The following ANTXR2 variants were observed in gnomAD, a reference collection of about 807,000 sequenced individuals.
ANTXR2 encodes ANTXR cell adhesion molecule 2.
In ANTXR2, 44 loss-of-function variants were observed where a neutral mutation model predicts 73.7. That is an observed-to-expected ratio of 0.60 (90% CI 0.47 to 0.77). ANTXR2 has a LOEUF of 0.77. ANTXR2 is among the 30% of genes least tolerant of loss of function. The pLI is 0.00. For synonymous variants in ANTXR2, 217 were observed against 205.9 expected (o/e 1.05, Z -0.46); for missense variants, 604 against 592.5 (o/e 1.02, Z -0.20).
intron 16 of ANTXR2, among the ~76,000 whole-genome samples, chr4:79,927,488 A>G (rs754366082): frequency 4.3e-4 from 66 of 152,194 alleles, no homozygotes; most frequent in Non-Finnish European, 8.1e-4. Context: ...AAATTTGCAT[A>G]TAACCTACCT....
Position 79,946,226 on chromosome 4 carries a change from T to C in ANTXR2, c.1428+31395A>G, listed in dbSNP as rs183596649. Among the ~76,000 whole-genome samples the C allele has an allele frequency of 5.1e-4, 78 of 152,230 alleles. 1 individual carries two copies. The highest frequency in any genetic ancestry group is 4.8e-3 in the Admixed American group (74 of 15,288). On this transcript the variant is annotated intron_variant, in intron 16 of 16. Coordinates refer to ENST00000403729, the MANE Select transcript of ANTXR2 (RefSeq NM_058172.6). ...GGTTAGTAAAAAGTACAACCAGGAA[T>C]TGGAATCTAGGTATGCCAAGATAGT...
chr4:79,958,353 A>C (rs1383748651), intron 16 of ANTXR2, among the ~76,000 whole-genome samples: 2 of 152,152 alleles, frequency 1.3e-5, no homozygotes, highest in Non-Finnish European at 2.9e-5. Context: ...TCACACACAC[A>C]CATTCTCTCC....
chr4:80,022,522 C>T lies in ANTXR2; in HGVS notation c.867-3546G>A, dbSNP rs536692752. ...CGCCCACTGTAATGCAAACCAAATT[C>T]GGTAAGCTTTCCTTGCCTCAAGAGT... On this transcript the variant is annotated intron_variant, in intron 10 of 16. Coordinates refer to ENST00000403729, the MANE Select transcript of ANTXR2 (RefSeq NM_058172.6). Among the ~76,000 whole-genome samples the T allele has an allele frequency of 3.6e-4, 55 of 152,282 alleles. 2 individuals carry two copies. Among genetic ancestry groups the T allele is most frequent in the Middle Eastern group, 6.8e-3 (2 of 294 alleles).
rs1047067817 is a variant in ANTXR2, at chr4:79,903,452, T to C, written c.*3977A>G. ...GCATATTTTTATACAAATTTACATG[T>C]TGTACTGTGTACTTACTTATCAGCC... On this transcript the variant is annotated 3_prime_UTR_variant, in exon 17 of 17. Transcript: ENST00000403729. 1 of 152,166 alleles carries C rather than the reference T, an allele frequency of 6.6e-6. No individual in the cohort carries two copies. Among genetic ancestry groups the C allele is most frequent in the Non-Finnish European group, 1.5e-5 (1 of 68,020 alleles). The allele number at this position is 152,166 out of a possible 1,614,324, so 9.4% of individuals were successfully genotyped here.
In ANTXR2 at chr4:80,008,724, T is replaced by C. The variant is rs1731428991; in HGVS notation, c.946-108A>G. ...CCAGAAAATAATTCAGAAAGTATAATGTCAAACTAGATTTTAACTATATTA... is the reference window on the plus strand; with the variant it reads ...CCAGAAAATAATTCAGAAAGTATAACGTCAAACTAGATTTTAACTATATTA... On this transcript the variant is annotated intron_variant, in intron 11 of 16. Coordinates refer to ENST00000403729, the MANE Select transcript of ANTXR2 (RefSeq NM_058172.6). The C allele has an allele frequency of 1.2e-5, 7 of 601,186 alleles. No homozygotes were observed. In the South Asian group the frequency reaches 1.9e-4, roughly 16 times the overall value. 37.2% of individuals were successfully genotyped at this position (601,186 alleles called of 1,614,324 possible). A position where few individuals can be genotyped will look rare whatever the true frequency, so the allele number is the denominator to read the frequency against.
At chr4:80,014,111 G>A (rs1731724458) in intron 11 of ANTXR2, among the ~76,000 whole-genome samples, 1 of 152,008 alleles carries the variant, frequency 6.6e-6, no homozygotes, top group Admixed American at 6.6e-5. Flanking sequence ...TCGGTGTCTG[G>A]TCTTCCCACG....
Position 79,911,824 on chromosome 4 carries a change from T to G in ANTXR2, c.1429-4357A>C, listed in dbSNP as rs975658409. Reference sequence around the variant, plus strand: ...TTTTTGATTTAAAATCATGCCCTAATCATGCATGTAAATCATGAGTAAAAT... The same window carrying G: ...TTTTTGATTTAAAATCATGCCCTAAGCATGCATGTAAATCATGAGTAAAAT... On this transcript the variant is annotated intron_variant, in intron 16 of 16. Transcript: ENST00000403729. 2.6e-5 allele frequency among the ~76,000 whole-genome samples: 4 copies of G among 152,026 alleles called. No individual in the cohort carries two copies. In the South Asian group the frequency reaches 8.3e-4, roughly 32 times the overall value.
intron 3 of ANTXR2, among the ~76,000 whole-genome samples, chr4:80,059,981 AC>A (rs1734167539): frequency 6.6e-6 from 1 of 152,096 alleles, no homozygotes. Flanking sequence ...AGTATCTCCT[AC>A]TTTTTCTTTC....
intron 16 of ANTXR2, among the ~76,000 whole-genome samples, chr4:79,910,369 C>T (rs1035838810): frequency 2.6e-5 from 4 of 151,560 alleles, no homozygotes; most frequent in Non-Finnish European, 4.4e-5. Context: ...ATTAGCTGGG[C>T]GTGGTAGCGC....
chr4:80,051,624 AT>A (rs2110104276), intron 7 of ANTXR2, among the ~76,000 whole-genome samples: 1 of 151,806 alleles, frequency 6.6e-6, no homozygotes, highest in East Asian at 1.9e-4. Context: ...AAAACAATGC[AT>A]TTTCCCCAAA....
chr4:79,915,436 T>C (rs550916641), intron 16 of ANTXR2, among the ~76,000 whole-genome samples: 2 of 152,294 alleles, frequency 1.3e-5, no homozygotes, highest in South Asian at 4.1e-4. Flanking sequence ...GCACAGGATG[T>C]ATTTCACTGC....
rs886059661 is a variant in ANTXR2, at chr4:80,072,926, C to A, written c.-366G>T. 4 of 212,542 alleles carry A rather than the reference C, an allele frequency of 1.9e-5. No individual in the cohort carries two copies. The highest frequency in any genetic ancestry group is 2.7e-5 in the Non-Finnish European group (3 of 112,658). The allele number at this position is 212,542 out of a possible 1,614,324, so 13.2% of individuals were successfully genotyped here. A position where few individuals can be genotyped will look rare whatever the true frequency, so the allele number is the denominator to read the frequency against. ...CTGGGGCCGAGCCTCCAGCGCCCGC[C>A]TCGGACCCGGACCTGGAACCCACCC... On this transcript the variant is annotated 5_prime_UTR_variant, in exon 1 of 17. It adds an upstream start codon to the 5' untranslated region. Transcript: ENST00000403729.
At chr4:80,043,504 C>G (rs1733374017) in intron 7 of ANTXR2, among the ~76,000 whole-genome samples, 1 of 151,982 alleles carries the variant, frequency 6.6e-6, no homozygotes, top group South Asian at 2.1e-4. Flanking sequence ...ACATTAACCC[C>G]TTATAAATTA....
At chr4:79,908,918 T>C (rs934216611) in intron 16 of ANTXR2, among the ~76,000 whole-genome samples, 3 of 152,100 alleles carry the variant, frequency 2.0e-5, no homozygotes. Flanking sequence ...AATAAAACAA[T>C]AAAAGTGTTA....
intron 16 of ANTXR2, among the ~76,000 whole-genome samples, chr4:79,911,122 A>G (rs1026053888): frequency 6.6e-6 from 1 of 152,220 alleles, no homozygotes; most frequent in Non-Finnish European, 1.5e-5. Flanking sequence ...TTGGGCTGCC[A>G]TTTATATTAC....
At chr4:80,039,511 T>C (rs1385088952) in intron 7 of ANTXR2, among the ~76,000 whole-genome samples, 2 of 152,008 alleles carry the variant, frequency 1.3e-5, no homozygotes, top group Non-Finnish European at 2.9e-5. Flanking sequence ...GACATACAAG[T>C]GGCCAACAAA....
At position 80,055,134 on chromosome 4, in the gene ANTXR2, A is replaced by G. The variant is rs749832289; in HGVS notation, c.555+16T>C. On this transcript the variant is annotated intron_variant, in intron 6 of 16. Coordinates refer to ENST00000403729, the MANE Select transcript of ANTXR2 (RefSeq NM_058172.6). ...ATGTGGTTCAGATTAAAGTTTGCAGATCTCTTGTAACTTACCTGTGCTTGT... is the reference window on the plus strand; with the variant it reads ...ATGTGGTTCAGATTAAAGTTTGCAGGTCTCTTGTAACTTACCTGTGCTTGT... The G allele has an allele frequency of 1.9e-6, 3 of 1,547,492 alleles. No homozygotes were observed. In the African/African-American group the frequency reaches 4.1e-5, roughly 21 times the overall value.
chr4:79,973,863 C>G (rs7673310), intron 16 of ANTXR2, among the ~76,000 whole-genome samples: 73,889 of 152,020 alleles, frequency 0.49, 20,386 homozygotes, highest in East Asian at 0.94. Context: ...CTACAGATTT[C>G]ACATAAAACC....
Position 79,935,090 on chromosome 4 carries a change from T to TA in ANTXR2, c.1429-27624dup, listed in dbSNP as rs965909548. 1.7e-3 allele frequency among the ~76,000 whole-genome samples: 237 copies of TA among 139,402 alleles called. 1 individual carries two copies. Among genetic ancestry groups the TA allele is most frequent in the East Asian group, 8.4e-3 (41 of 4,862 alleles). 91.5% of individuals were successfully genotyped at this position (139,402 alleles called of 152,430 possible). A position where few individuals can be genotyped will look rare whatever the true frequency, so the allele number is the denominator to read the frequency against. ...CCCATGTACCCTAAAACTTAAAGTA[T>TA]AAAAAAAAAAAACAACTGAATAATG... On this transcript the variant is annotated intron_variant, in intron 16 of 16. Transcript: ENST00000403729.
Sources: allele counts gnomAD v4.1 joint callset (sites outside exome capture counted in the v4.1 genomes callset), GRCh38; gene constraint gnomAD v4.1.1; transcripts MANE v1.5; gene names NCBI Gene and HGNC (gene_info 2026-07-23, HGNC 2026-07-21).